The following ANKLE2 variants were observed in gnomAD, a reference collection of about 807,000 sequenced individuals.
ANKLE2 encodes ankyrin repeat and LEM domain-containing protein 2.
Under a neutral mutation model 84.2 loss-of-function variants are expected in ANKLE2, and 55 were observed. The ratio of observed to expected loss-of-function variants is 0.65; its 90% confidence interval spans 0.53 to 0.82. The LOEUF (loss-of-function observed/expected upper bound fraction) is 0.82. Among genes scored for constraint, ANKLE2 ranks in the 40% least tolerant of loss-of-function variants. ANKLE2 has a pLI of 0.00. For synonymous variants in ANKLE2, 551 were observed against 486.1 expected (o/e 1.13, Z -1.76); for missense variants, 1,238 against 1,201.9 (o/e 1.03, Z -0.44).
chr12:132,753,646 C>T (rs1229347850), intron 2 of ANKLE2, among the ~76,000 whole-genome samples: 1 of 152,066 alleles, frequency 6.6e-6, no homozygotes. Context: ...GTGGCGGGCG[C>T]CTGTAGTTCC....
In ANKLE2 at chr12:132,729,836, C is replaced by G; in HGVS notation, c.2326G>C (p.Glu776Gln). Reference sequence around the variant, plus strand: ...CCGAGTTGGTCTGCGGGAGAAGGCTCTAACAAGTCTCTTTCTACTGCATTG... The same window carrying G: ...CCGAGTTGGTCTGCGGGAGAAGGCTGTAACAAGTCTCTTTCTACTGCATTG... The part of the protein sequence containing the change: ...RINAVERDLL[E>Q]PSPADQLGNG... The change falls in exon 11 of 13, where the codon GAG becomes CAG. Residue 776 changes from glutamate to glutamine, a missense_variant. Transcript: ENST00000357997. 6.2e-7 allele frequency: 1 copy of G among 1,613,506 alleles called. No homozygotes were observed. Among genetic ancestry groups the G allele is most frequent in the Non-Finnish European group, 8.5e-7 (1 of 1,179,826 alleles).
intron 2 of ANKLE2, among the ~76,000 whole-genome samples, chr12:132,754,306 T>C (rs540742884): frequency 4.2e-4 from 64 of 152,316 alleles, no homozygotes; most frequent in African/African-American, 1.5e-3. Flanking sequence ...AAAGTATTTA[T>C]ACACTCATTG....
chr12:132,735,192 A>G lies in ANKLE2; in HGVS notation c.1700+214T>C, dbSNP rs114600422. On this transcript the variant is annotated intron_variant, in intron 9 of 12. Transcript: ENST00000357997. ...GAATTCCAATTAGAAAAGGAAAGGA[A>G]GGCACTGCAGACATCCCCCAGGTCT... 1.4e-3 allele frequency: 822 copies of G among 568,950 alleles called. 6 individuals carry two copies. In the African/African-American group the frequency reaches 0.014, roughly 10 times the overall value. 35.2% of individuals were successfully genotyped at this position (568,950 alleles called of 1,614,324 possible).
At chr12:132,757,977 C>G (rs960721919) in intron 1 of ANKLE2, 1 of 149,074 alleles carries the variant, frequency 6.7e-6, no homozygotes, top group Non-Finnish European at 1.5e-5. Context: ...GAGCAAGACC[C>G]CGTCTCCAAA....
At chr12:132,752,717 C>A (rs2044382905) in intron 2 of ANKLE2, among the ~76,000 whole-genome samples, 2 of 152,140 alleles carry the variant, frequency 1.3e-5, no homozygotes, top group Admixed American at 1.3e-4. Flanking sequence ...CCATTCTATT[C>A]ATAGTGTTTA....
At position 132,741,135 on chromosome 12, in the gene ANKLE2, A is replaced by G. The variant is rs76962690; in HGVS notation, c.1420+284T>C. Among the ~76,000 whole-genome samples the G allele has an allele frequency of 0.016, 2,364 of 152,338 alleles. 50 individuals are homozygous for G. The highest frequency in any genetic ancestry group is 0.052 in the African/African-American group (2,174 of 41,566). On this transcript the variant is annotated intron_variant, in intron 7 of 12. Coordinates refer to ENST00000357997, the MANE Select transcript of ANKLE2 (RefSeq NM_015114.3). ...GCGAGAGAGACCGATGGATCCAGGG[A>G]TGAGGCCACCAGCAACAGGCAGCGA...
intron 5 of ANKLE2, chr12:132,745,438 C>A: frequency 6.5e-6 from 1 of 154,436 alleles, no homozygotes; most frequent in South Asian, 1.8e-4. Context: ...TCTCTAACGC[C>A]TATGTGAAGA....
At chr12:132,751,105 C>T (rs550075739) in intron 2 of ANKLE2, 222 of 327,856 alleles carry the variant, frequency 6.8e-4, no homozygotes, top group Non-Finnish European at 1.1e-3. Flanking sequence ...AAGATTCTAT[C>T]CTAAAAACTA....
At chr12:132,758,528 A>AT (rs147868815) in intron 1 of ANKLE2, 124 of 147,910 alleles carry the variant, frequency 8.4e-4, no homozygotes, top group Middle Eastern at 3.5e-3. Context: ...TCCATTAACA[A>AT]TTTTTTTTTT....
At chr12:132,752,362 A>T (rs2044376084) in intron 2 of ANKLE2, among the ~76,000 whole-genome samples, 1 of 152,124 alleles carries the variant, frequency 6.6e-6, no homozygotes. Context: ...ATAAATAAAT[A>T]AATAATAAAA....
At chr12:132,752,615 T>G (rs1475989340) in intron 2 of ANKLE2, among the ~76,000 whole-genome samples, 1 of 152,096 alleles carries the variant, frequency 6.6e-6, no homozygotes. Flanking sequence ...GTGATCTGCC[T>G]GCCTCGGCCT....
intron 10 of ANKLE2, chr12:132,731,244 T>C (rs2043838811): frequency 6.6e-6 from 1 of 152,250 alleles, no homozygotes; most frequent in Non-Finnish European, 1.5e-5. Flanking sequence ...ACACTGTAAA[T>C]GAGGCCGCTT....
Position 132,741,470 on chromosome 12 carries a change from T to C in ANKLE2, c.1369A>G (p.Ser457Gly), listed in dbSNP as rs768450086. ...TTCAGTTCCACAGATTTATTTTTGC[T>C]TCTTTCACAAATTACCTATTGGAAA... is the stretch of plus-strand genomic sequence containing the variant. The part of the protein sequence containing the change: ...KTPEDVICER[S>G]KNKSVELKER... The change falls in exon 7 of 13, where the codon AGC becomes GGC. Residue 457 changes from serine (S) to glycine (G), a missense_variant. Transcript: ENST00000357997. 2.8e-5 allele frequency: 45 copies of C among 1,614,282 alleles called. No individual in the cohort carries two copies. Among genetic ancestry groups the C allele is most frequent in the Non-Finnish European group, 3.6e-5 (43 of 1,180,042 alleles).
At chr12:132,731,555 T>C (rs1397141010) in intron 10 of ANKLE2, 1 of 152,232 alleles carries the variant, frequency 6.6e-6, no homozygotes, top group Non-Finnish European at 1.5e-5. Context: ...TTAAACTGTA[T>C]ATCTGCTTTA....
intron 1 of ANKLE2, chr12:132,755,360 A>C: frequency 2.3e-6 from 1 of 428,654 alleles, no homozygotes; most frequent in Non-Finnish European, 4.2e-6. Context: ...CCCGGCCAAC[A>C]TGGTGAAACC....
intron 6 of ANKLE2, chr12:132,742,603 G>A (rs79354847): frequency 0.056 from 8,490 of 152,344 alleles, 304 homozygotes; most frequent in East Asian, 0.11. Context: ...AGGCTTGTCT[G>A]GGTCCGATGA....
At chr12:132,760,936 C>G (rs1198302003) in intron 1 of ANKLE2, 1 of 152,298 alleles carries the variant, frequency 6.6e-6, no homozygotes, top group Non-Finnish European at 1.5e-5. Context: ...GGCTGCCGGC[C>G]ACCAGTCCAC....
intron 3 of ANKLE2, 75 bp downstream of exon 3, chr12:132,750,567 CA>C: frequency 1.3e-6 from 2 of 1,519,568 alleles, no homozygotes; most frequent in Non-Finnish European, 9.1e-7. Flanking sequence ...GTTACCACAT[CA>C]GAGGAAAGAA....
At chr12:132,747,626 C>G (rs1054264345) in intron 5 of ANKLE2, among the ~76,000 whole-genome samples, 8 of 152,156 alleles carry the variant, frequency 5.3e-5, no homozygotes, top group Non-Finnish European at 1.2e-4. Context: ...GCACACACGA[C>G]GACAATGCAG....
Sources: allele counts gnomAD v4.1 joint callset (sites outside exome capture counted in the v4.1 genomes callset), GRCh38; gene constraint gnomAD v4.1.1; transcripts MANE v1.5; gene names NCBI Gene and HGNC (gene_info 2026-07-23, HGNC 2026-07-21).